PLCB1: variants seen among roughly 807,000 people sequenced by gnomAD.
PLCB1 encodes the protein 1-phosphatidylinositol 4,5-bisphosphate phosphodiesterase beta-1.
PLCB1 carries 46 observed loss-of-function variants against 161.8 expected under a neutral mutation model. That is an observed-to-expected ratio of 0.28 (90% CI 0.22 to 0.36). The LOEUF (loss-of-function observed/expected upper bound fraction) is 0.36. Among genes scored for constraint, PLCB1 ranks in the 10% least tolerant of loss-of-function variants. The pLI, the probability that PLCB1 is intolerant of heterozygous loss-of-function variation, is 1.00. For synonymous variants in PLCB1, 517 were observed against 503.7 expected, an observed-to-expected ratio of 1.03 and a Z score of -0.35; for missense variants, 1,016 against 1,472.5, an observed-to-expected ratio of 0.69 and a Z score of 5.07.
chr20:8,650,214 C>T (rs1192893934), intron 7 of PLCB1, among the ~76,000 whole-genome samples: 1 of 151,544 alleles, frequency 6.6e-6, no homozygotes, highest in African/African-American at 2.4e-5. Context: ...AGTTAGGAGG[C>T]GAGACTCAAC....
chr20:8,581,469 G>A (rs966486676), intron 3 of PLCB1, among the ~76,000 whole-genome samples: 3 of 152,116 alleles, frequency 2.0e-5, no homozygotes, highest in African/African-American at 7.2e-5. Flanking sequence ...AACAAGTATG[G>A]GACAATTTTG....
intron 3 of PLCB1, among the ~76,000 whole-genome samples, chr20:8,517,505 A>G: frequency 6.6e-6 from 1 of 152,168 alleles, no homozygotes; most frequent in Non-Finnish European, 1.5e-5. Flanking sequence ...GCCCAGTGGC[A>G]GTGGGCTGGG....
chr20:8,603,842 G>A (rs1228600824), intron 3 of PLCB1, among the ~76,000 whole-genome samples: 1 of 152,170 alleles, frequency 6.6e-6, no homozygotes, highest in East Asian at 1.9e-4. Flanking sequence ...GATTTCAACT[G>A]CTTAATGGGT....
At position 8,658,707 on chromosome 20, in the gene PLCB1, C is replaced by T. The variant is rs1989536437; in HGVS notation, c.862+3C>T. ...CAACAACAGCCTCGCCAGAAAAGGT[C>T]AGTACTTTCTTTCACACCAAAGGGA... is the stretch of plus-strand genomic sequence containing the variant. On this transcript the variant is annotated splice_donor_region_variant and intron_variant, in intron 9 of 31. Coordinates refer to ENST00000338037, the MANE Select transcript of PLCB1 (RefSeq NM_015192.4). The T allele has an allele frequency of 6.3e-7, 1 of 1,597,606 alleles. No homozygotes were observed. Among genetic ancestry groups the T allele is most frequent in the Non-Finnish European group, 8.5e-7 (1 of 1,173,844 alleles).
intron 3 of PLCB1, among the ~76,000 whole-genome samples, chr20:8,566,843 C>T (rs1390939067): frequency 3.4e-5 from 5 of 147,268 alleles, no homozygotes; most frequent in African/African-American, 1.0e-4. Flanking sequence ...ACATTCATGA[C>T]ATACAGCATC....
At chr20:8,731,215 A>G (rs1980225596) in intron 18 of PLCB1, among the ~76,000 whole-genome samples, 1 of 151,954 alleles carries the variant, frequency 6.6e-6, no homozygotes, top group East Asian at 1.9e-4. Flanking sequence ...TTATTGATAC[A>G]TAATAGCTGT....
intron 4 of PLCB1, among the ~76,000 whole-genome samples, chr20:8,641,734 C>A (rs765174342): frequency 6.6e-6 from 1 of 152,146 alleles, no homozygotes; most frequent in African/African-American, 2.4e-5. Context: ...GTGAAAGATA[C>A]CATATGTGAC....
chr20:8,165,454 C>G (rs1401036625), intron 2 of PLCB1, among the ~76,000 whole-genome samples: 1 of 152,118 alleles, frequency 6.6e-6, no homozygotes, highest in Non-Finnish European at 1.5e-5. Context: ...TCTCTCTAAC[C>G]CTGCCAATTT....
At chr20:8,188,162 T>C (rs2051926576) in intron 2 of PLCB1, among the ~76,000 whole-genome samples, 1 of 152,120 alleles carries the variant, frequency 6.6e-6, no homozygotes. Flanking sequence ...GGCCCAGGTT[T>C]AAGAGCCAGC....
At position 8,636,648 on chromosome 20, in the gene PLCB1, G is replaced by C. The variant is rs187963244; in HGVS notation, c.384+8217G>C. ...AATTGCTATTCTGGTGACTGTGGAA[G>C]AAAGCACCCCTGCCTTCTGTCTCCT... On this transcript the variant is annotated intron_variant, in intron 4 of 31. Transcript: ENST00000338037. 3.9e-5 allele frequency among the ~76,000 whole-genome samples: 6 copies of C among 152,332 alleles called. No individual in the cohort carries two copies. In the East Asian group the frequency reaches 1.2e-3, roughly 29 times the overall value.
At chr20:8,647,626 A>G (rs987262937) in intron 5 of PLCB1, among the ~76,000 whole-genome samples, 5 of 152,196 alleles carry the variant, frequency 3.3e-5, no homozygotes, top group African/African-American at 1.2e-4. Context: ...TGATTCCTTC[A>G]TGTAAGGTGC....
chr20:8,736,819 A>G (rs974944110), intron 19 of PLCB1, among the ~76,000 whole-genome samples: 2 of 152,170 alleles, frequency 1.3e-5, no homozygotes, highest in Non-Finnish European at 2.9e-5. Flanking sequence ...ACAATTCAAC[A>G]TGAGATTTGG....
chr20:8,829,717 T>C (rs1042140704), intron 31 of PLCB1, among the ~76,000 whole-genome samples: 42 of 152,192 alleles, frequency 2.8e-4, no homozygotes, highest in Non-Finnish European at 1.3e-4. Flanking sequence ...CAATTTAATA[T>C]GAAAGAGTAG....
chr20:8,211,885 T>G (rs1230895277), intron 2 of PLCB1, among the ~76,000 whole-genome samples: 1 of 152,158 alleles, frequency 6.6e-6, no homozygotes, highest in African/African-American at 2.4e-5. Context: ...GCTTTCTAGG[T>G]CAATCTTCAT....
At chr20:8,176,385 A>G (rs547288900) in intron 2 of PLCB1, among the ~76,000 whole-genome samples, 2 of 152,336 alleles carry the variant, frequency 1.3e-5, no homozygotes, top group East Asian at 3.9e-4. Flanking sequence ...AGCCAATCTC[A>G]AAAGGTTTCA....
At chr20:8,380,627 C>G (rs1987227021) in intron 3 of PLCB1, among the ~76,000 whole-genome samples, 1 of 152,046 alleles carries the variant, frequency 6.6e-6, no homozygotes, top group South Asian at 2.1e-4. Context: ...TTTCCTTGAG[C>G]AGTGGTTTGT....
Position 8,873,483 on chromosome 20 carries a change from T to G in PLCB1, c.3424-8139T>G, listed in dbSNP as rs369230752. 3.9e-5 allele frequency among the ~76,000 whole-genome samples: 6 copies of G among 152,224 alleles called. No individual in the cohort carries two copies. The East Asian group carries it at 9.6e-4, about 24-fold the overall frequency. ...AGTTCTACATTTTTCTTTTTTGTAT[T>G]TTATAGAAATTATATTAGATTTTGT... On this transcript the variant is annotated intron_variant, in intron 31 of 31. Coordinates refer to ENST00000338037, the MANE Select transcript of PLCB1 (RefSeq NM_015192.4).
intron 3 of PLCB1, among the ~76,000 whole-genome samples, chr20:8,583,454 C>A (rs1882332824): frequency 1.3e-5 from 2 of 152,060 alleles, no homozygotes; most frequent in Non-Finnish European, 2.9e-5. Context: ...TTTAAAAACC[C>A]TCATCTTAGG....
At chr20:8,284,029 T>G (rs981616492) in intron 2 of PLCB1, among the ~76,000 whole-genome samples, 1 of 151,918 alleles carries the variant, frequency 6.6e-6, no homozygotes. Flanking sequence ...TCTTGGAAAT[T>G]TGTTCTGTTA....
Sources: gnomAD v4.1 joint callset for allele counts (sites outside exome capture counted in the v4.1 genomes callset) on GRCh38, gnomAD v4.1.1 for gene constraint, MANE v1.5 for transcripts, NCBI Gene and HGNC (gene_info 2026-07-23, HGNC 2026-07-21) for gene names.